ADGRL2: variants seen among roughly 807,000 people sequenced by gnomAD.
ADGRL2 encodes the protein calcium-independent alpha-latrotoxin receptor 2.
ADGRL2 carries 44 observed loss-of-function variants against 157.4 expected under a neutral mutation model. That is an observed-to-expected ratio of 0.28 (90% CI 0.22 to 0.36). The LOEUF (loss-of-function observed/expected upper bound fraction) is 0.36, where lower values mean the gene tolerates loss of function less well. Among genes scored for constraint, ADGRL2 ranks in the 10% least tolerant of loss-of-function variants. The probability of loss-of-function intolerance (pLI) is 1.00; values close to 1 mark genes in which losing one functional copy is unlikely to be tolerated. For missense variants in ADGRL2, 1,510 were observed against 1,768.9 expected (o/e 0.85, Z 2.63); for synonymous variants, 585 against 624.7 (o/e 0.94, Z 0.95).
Position 81,418,315 on chromosome 1 carries a change from A to C in ADGRL2, c.-301-26721A>C, listed in dbSNP as rs182931461. 4.3e-3 allele frequency among the ~76,000 whole-genome samples: 657 copies of C among 152,366 alleles called. 3 individuals are homozygous for C. Among genetic ancestry groups the C allele is most frequent in the African/African-American group, 0.015 (636 of 41,584 alleles). ...CTTGAGCCTGGAAATCATTATAATA[A>C]AATTTTGTGGCAAAAACCCTCCACT... On this transcript the variant is annotated intron_variant, in intron 1 of 24. Transcript: ENST00000370721.
chr1:81,319,599 T>G (rs895466811), intron 1 of ADGRL2, among the ~76,000 whole-genome samples: 1 of 152,226 alleles, frequency 6.6e-6, no homozygotes, highest in African/African-American at 2.4e-5. Context: ...GTTTTCTGAA[T>G]GGAACTGGAA....
intron 1 of ADGRL2, among the ~76,000 whole-genome samples, chr1:81,390,760 T>G (rs560313853): frequency 6.6e-6 from 1 of 152,416 alleles, no homozygotes; most frequent in South Asian, 2.1e-4. Context: ...TACCATCTTC[T>G]TTTTTGGTAC....
At chr1:81,678,211 G>A (rs545911428) in intron 3 of ADGRL2, among the ~76,000 whole-genome samples, 6 of 152,278 alleles carry the variant, frequency 3.9e-5, no homozygotes, top group East Asian at 1.9e-4. Flanking sequence ...GAGCTCCAGT[G>A]TATAGCATAG....
chr1:81,912,181 C>T (rs965855114), intron 3 of ADGRL2, among the ~76,000 whole-genome samples: 2 of 151,958 alleles, frequency 1.3e-5, no homozygotes, highest in African/African-American at 4.8e-5. Context: ...AAGCAATTCC[C>T]CAGCCTCAGC....
intron 2 of ADGRL2, among the ~76,000 whole-genome samples, chr1:81,453,501 T>G (rs1312554828): frequency 1.3e-5 from 2 of 152,092 alleles, no homozygotes; most frequent in Non-Finnish European, 2.9e-5. Context: ...GAGACTCACA[T>G]ATGTACCTAG....
At chr1:81,963,898 GTATT>G (rs1300887479) in intron 11 of ADGRL2, among the ~76,000 whole-genome samples, 1 of 151,012 alleles carries the variant, frequency 6.6e-6, no homozygotes, top group African/African-American at 2.4e-5. Context: ...AATTCAGTAT[GTATT>G]TATCAGTTGA....
chr1:81,613,857 G>A (rs906522593), intron 3 of ADGRL2, among the ~76,000 whole-genome samples: 1 of 152,138 alleles, frequency 6.6e-6, no homozygotes, highest in Non-Finnish European at 1.5e-5. Context: ...AAGATACTTT[G>A]CACAGATGTG....
intron 3 of ADGRL2, among the ~76,000 whole-genome samples, chr1:81,598,524 G>A (rs1226212617): frequency 2.0e-5 from 3 of 152,094 alleles, no homozygotes; most frequent in Admixed American, 2.0e-4. Context: ...CCTTTACATA[G>A]CAAACATGCT....
intron 1 of ADGRL2, among the ~76,000 whole-genome samples, chr1:81,353,469 G>A (rs767101007): frequency 8.0e-4 from 121 of 152,146 alleles, no homozygotes; most frequent in Non-Finnish European, 1.4e-3. Flanking sequence ...ACCTAGAAAA[G>A]ATGCAGATTC....
intron 2 of ADGRL2, among the ~76,000 whole-genome samples, chr1:81,484,515 C>A (rs1427453024): frequency 6.6e-6 from 1 of 152,214 alleles, no homozygotes; most frequent in Non-Finnish European, 1.5e-5. Context: ...GGAAGGATTT[C>A]TCTTTACTGC....
chr1:81,462,220 T>C (rs571762550), intron 2 of ADGRL2, among the ~76,000 whole-genome samples: 1 of 152,280 alleles, frequency 6.6e-6, no homozygotes, highest in Admixed American at 6.5e-5. Context: ...CAGCACTCTG[T>C]AAAATGAACC....
At chr1:81,931,850 T>C (rs2095236981) in intron 3 of ADGRL2, among the ~76,000 whole-genome samples, 1 of 152,112 alleles carries the variant, frequency 6.6e-6, no homozygotes, top group South Asian at 2.1e-4. Context: ...CCCAAGCTGG[T>C]CTTGAACTCC....
At chr1:81,823,214 G>A (rs1403392259) in intron 1 of ADGRL2, among the ~76,000 whole-genome samples, 1 of 151,558 alleles carries the variant, frequency 6.6e-6, no homozygotes, top group African/African-American at 2.4e-5. Flanking sequence ...ACGAGTTTCT[G>A]AATTCCATCC....
At chr1:81,922,811 T>G (rs2095017926) in intron 3 of ADGRL2, among the ~76,000 whole-genome samples, 1 of 151,700 alleles carries the variant, frequency 6.6e-6, no homozygotes, top group Non-Finnish European at 1.5e-5. Flanking sequence ...AGGCCAGGAG[T>G]TTGAGACCAG....
chr1:81,328,793 T>G (rs189614629), intron 1 of ADGRL2, among the ~76,000 whole-genome samples: 17 of 152,030 alleles, frequency 1.1e-4, no homozygotes, highest in Non-Finnish European at 2.2e-4. Context: ...GCCACCCCAC[T>G]CTTCCTCCTA....
intron 2 of ADGRL2, among the ~76,000 whole-genome samples, chr1:81,771,320 AT>A (rs56885408): frequency 0.2 from 30,224 of 152,086 alleles, 3,311 homozygotes; most frequent in African/African-American, 0.28. Context: ...CTCACAAAGA[AT>A]TGCTGAGCAT....
At chr1:81,579,840 A>G (rs1321497827) in intron 2 of ADGRL2, among the ~76,000 whole-genome samples, 8 of 152,046 alleles carry the variant, frequency 5.3e-5, no homozygotes, top group Non-Finnish European at 8.8e-5. Context: ...AGATATGCAC[A>G]GCTTTTTTTT....
At chr1:81,308,078 A>G (rs1008955817) in intron 1 of ADGRL2, among the ~76,000 whole-genome samples, 1 of 152,172 alleles carries the variant, frequency 6.6e-6, no homozygotes, top group South Asian at 2.1e-4. Flanking sequence ...AACCGAAAAA[A>G]AAAAGGTATA....
At chr1:81,569,292 AT>A (rs1469826170) in intron 2 of ADGRL2, among the ~76,000 whole-genome samples, 1 of 152,222 alleles carries the variant, frequency 6.6e-6, no homozygotes, top group East Asian at 1.9e-4. Flanking sequence ...AAGTTACATG[AT>A]AAATTAATAT....
Sources: gnomAD v4.1 joint callset for allele counts (sites outside exome capture counted in the v4.1 genomes callset) on GRCh38, gnomAD v4.1.1 for gene constraint, MANE v1.5 for transcripts, NCBI Gene and HGNC (gene_info 2026-07-23, HGNC 2026-07-21) for gene names.